Variants in NELL1 observed in about 807,000 individuals in gnomAD.
NELL1 encodes the protein protein kinase C-binding protein NELL1.
NELL1 carries 76 observed loss-of-function variants against 107.4 expected under a neutral mutation model. The observed-to-expected ratio is 0.71, with a 90% CI of 0.59 to 0.86. NELL1 has a LOEUF of 0.86. Ranked by LOEUF, NELL1 falls within the 40% of genes least tolerant of loss-of-function variation. NELL1 has a pLI of 0.00. For synonymous variants in NELL1, 353 were observed against 341.2 expected, an observed-to-expected ratio of 1.03 and a Z score of -0.38; for missense variants, 1,024 against 1,005.5, an observed-to-expected ratio of 1.02 and a Z score of -0.25.
intron 12 of NELL1, among the ~76,000 whole-genome samples, chr11:21,040,571 A>G (rs1005283165): frequency 6.6e-6 from 1 of 152,092 alleles, no homozygotes; most frequent in Non-Finnish European, 1.5e-5. Context: ...ACAAAGAAGG[A>G]GCTGGTTTAC....
At chr11:20,856,231 TGTGA>T (rs1464335903) in intron 4 of NELL1, among the ~76,000 whole-genome samples, 1 of 152,240 alleles carries the variant, frequency 6.6e-6, no homozygotes, top group Non-Finnish European at 1.5e-5. Context: ...TTTAGTTTGT[TGTGA>T]GTGTTTCTGC....
chr11:21,474,467 T>C (rs918610363), intron 15 of NELL1, among the ~76,000 whole-genome samples: 1 of 152,076 alleles, frequency 6.6e-6, no homozygotes, highest in African/African-American at 2.4e-5. Context: ...ATTCAGCACA[T>C]AGTAGGCATT....
chr11:21,100,972 A>T (rs1854792034), intron 12 of NELL1, among the ~76,000 whole-genome samples: 2 of 151,366 alleles, frequency 1.3e-5, no homozygotes, highest in Admixed American at 6.6e-5. Flanking sequence ...TATATCTCCA[A>T]ATGCTATCCC....
chr11:21,494,255 ATG>A (rs1854915524), intron 15 of NELL1, among the ~76,000 whole-genome samples: 4 of 151,982 alleles, frequency 2.6e-5, no homozygotes, highest in Non-Finnish European at 5.9e-5. Flanking sequence ...AAACTGTTTA[ATG>A]TATTATTCTT....
At chr11:21,518,269 A>C (rs1855624018) in intron 15 of NELL1, among the ~76,000 whole-genome samples, 1 of 152,130 alleles carries the variant, frequency 6.6e-6, no homozygotes, top group African/African-American at 2.4e-5. Flanking sequence ...CCCTTTACAC[A>C]ACATGAAAGA....
chr11:20,797,186 C>T (rs192621533), intron 3 of NELL1, among the ~76,000 whole-genome samples: 8 of 152,246 alleles, frequency 5.3e-5, no homozygotes, highest in Admixed American at 4.6e-4. Context: ...GGCTTGGTGG[C>T]ATGATTAGGG....
At chr11:21,299,509 ATATGTGTGTGTGTGTG>A (rs1432854920) in intron 14 of NELL1, among the ~76,000 whole-genome samples, 5 of 106,568 alleles carry the variant, frequency 4.7e-5, no homozygotes, top group Non-Finnish European at 7.5e-5. Flanking sequence ...TTATTGTCTT[ATATGTGTGTGTGTGTG>A]TGTGTGTGTG....
At chr11:20,684,916 C>A (rs1854272167) in intron 2 of NELL1, among the ~76,000 whole-genome samples, 1 of 152,110 alleles carries the variant, frequency 6.6e-6, no homozygotes, top group African/African-American at 2.4e-5. Context: ...CTATTTCTGG[C>A]CCTCGTGTAT....
intron 14 of NELL1, among the ~76,000 whole-genome samples, chr11:21,246,055 T>C (rs991086761): frequency 6.6e-6 from 1 of 152,042 alleles, no homozygotes; most frequent in Non-Finnish European, 1.5e-5. Context: ...GTTGAAATAA[T>C]ACAGATATAG....
At chr11:21,571,037 C>CTA in intron 18 of NELL1, 97 bp downstream of exon 18, 4 of 1,126,822 alleles carry the variant, frequency 3.5e-6, no homozygotes, top group Non-Finnish European at 5.1e-6. Context: ...TTTCATAATA[C>CTA]TATACAGGGA....
intron 14 of NELL1, among the ~76,000 whole-genome samples, chr11:21,358,044 A>G (rs973020294): frequency 1.3e-5 from 2 of 152,134 alleles, no homozygotes; most frequent in Non-Finnish European, 2.9e-5. Context: ...TTTGATAACT[A>G]TAGCCTTGTA....
Position 21,319,914 on chromosome 11 carries a change from C to G in NELL1, c.1550-50939C>G, listed in dbSNP as rs146247228. Among the ~76,000 whole-genome samples the G allele has an allele frequency of 1.2e-4, 18 of 152,120 alleles. No individual in the cohort carries two copies. The East Asian group carries it at 3.3e-3, about 28-fold the overall frequency. On this transcript the variant is annotated intron_variant, in intron 14 of 19. Coordinates refer to ENST00000357134, the MANE Select transcript of NELL1 (RefSeq NM_006157.5). ...ACTCTAAACTCCATGAGAGCTAGGACTGTACCTTTTTATTTGTGCCGGCTT... is the reference window on the plus strand; with the variant it reads ...ACTCTAAACTCCATGAGAGCTAGGAGTGTACCTTTTTATTTGTGCCGGCTT...
chr11:21,342,363 G>A (rs995722233), intron 14 of NELL1, among the ~76,000 whole-genome samples: 2 of 150,834 alleles, frequency 1.3e-5, no homozygotes, highest in Admixed American at 1.3e-4. Context: ...AAATACTGCT[G>A]GGCATGGTGG....
intron 1 of NELL1, among the ~76,000 whole-genome samples, chr11:20,677,440 G>A (rs1854086482): frequency 1.3e-5 from 2 of 152,140 alleles, no homozygotes; most frequent in Admixed American, 1.3e-4. Flanking sequence ...TCATCTGACA[G>A]CAAAACCTAT....
intron 4 of NELL1, among the ~76,000 whole-genome samples, chr11:20,850,514 T>C (rs1163745413): frequency 6.6e-6 from 1 of 152,206 alleles, no homozygotes; most frequent in Non-Finnish European, 1.5e-5. Flanking sequence ...TGAGGTTATA[T>C]ATTTGTCTGT....
intron 13 of NELL1, among the ~76,000 whole-genome samples, chr11:21,181,960 CTT>C (rs1856836647): frequency 6.6e-6 from 1 of 151,844 alleles, no homozygotes; most frequent in Admixed American, 6.6e-5. Context: ...CATATATTGA[CTT>C]ATTTAATTCT....
intron 17 of NELL1, among the ~76,000 whole-genome samples, chr11:21,568,785 GCA>G (rs1857030643): frequency 6.6e-6 from 1 of 151,260 alleles, no homozygotes; most frequent in Non-Finnish European, 1.5e-5. Context: ...ACAATAACAC[GCA>G]CAGAGCTATC....
At chr11:20,938,018 G>A (rs1206965748) in intron 10 of NELL1, among the ~76,000 whole-genome samples, 159 bp downstream of exon 10, 4 of 152,176 alleles carry the variant, frequency 2.6e-5, no homozygotes, top group African/African-American at 9.7e-5. Context: ...CGAGGATCCA[G>A]CCAGGCCATT....
chr11:21,365,703 A>G (rs1163594507), intron 14 of NELL1, among the ~76,000 whole-genome samples: 1 of 152,110 alleles, frequency 6.6e-6, no homozygotes, highest in Non-Finnish European at 1.5e-5. Flanking sequence ...GAATGATAAT[A>G]TGAAAAGCAA....
Sources: gnomAD v4.1 joint callset for allele counts (sites outside exome capture counted in the v4.1 genomes callset) on GRCh38, gnomAD v4.1.1 for gene constraint, MANE v1.5 for transcripts, NCBI Gene and HGNC (gene_info 2026-07-23, HGNC 2026-07-21) for gene names.